The following TDRD9 variants were observed in gnomAD, a reference collection of about 807,000 sequenced individuals.
TDRD9 encodes the protein ATP-dependent RNA helicase TDRD9.
TDRD9 carries 124 observed loss-of-function variants against 172.6 expected under a neutral mutation model. The observed-to-expected ratio is 0.72, with a 90% confidence interval of 0.62 to 0.83. TDRD9 has a LOEUF of 0.83. Ranked by LOEUF, TDRD9 falls within the 40% of genes least tolerant of loss-of-function variation. TDRD9 has a pLI of 0.00. For synonymous variants in TDRD9, 619 were observed against 617.1 expected (o/e 1.00, Z -0.05); for missense variants, 1,479 against 1,714.1 (o/e 0.86, Z 2.42).
chr14:104,050,182 C>T (rs2035899897), intron 35 of TDRD9, among the ~76,000 whole-genome samples: 1 of 152,148 alleles, frequency 6.6e-6, no homozygotes, highest in Admixed American at 6.5e-5. Context: ...GTGAGGACCT[C>T]TGAGGGACAT....
At chr14:103,938,072 C>T (rs1321956665) in intron 1 of TDRD9, among the ~76,000 whole-genome samples, 1 of 151,936 alleles carries the variant, frequency 6.6e-6, no homozygotes, top group Non-Finnish European at 1.5e-5. Context: ...GCAGTTTGCT[C>T]ATCTGTCATA....
chr14:104,033,288 G>A (rs2035342334), intron 30 of TDRD9, among the ~76,000 whole-genome samples: 1 of 152,206 alleles, frequency 6.6e-6, no homozygotes, highest in Admixed American at 6.5e-5. Flanking sequence ...CGATCTGCCT[G>A]TGCTTACAGT....
In TDRD9 at chr14:104,030,444, T is replaced by C. The variant is rs557487154; in HGVS notation, c.3283-664T>C. Among the ~76,000 whole-genome samples the C allele has an allele frequency of 4.6e-5, 7 of 152,270 alleles. No homozygotes were observed. In the South Asian group the frequency reaches 1.2e-3, roughly 27 times the overall value. Reference sequence around the variant, plus strand: ...AGGTGGAGGTTGTAGTGAGCTGAGATTGCGCCATTGCACTCCAGCCTGGGC... The same window carrying C: ...AGGTGGAGGTTGTAGTGAGCTGAGACTGCGCCATTGCACTCCAGCCTGGGC... On this transcript the variant is annotated intron_variant, in intron 28 of 35. Coordinates refer to ENST00000409874, the MANE Select transcript of TDRD9 (RefSeq NM_153046.3).
intron 1 of TDRD9, among the ~76,000 whole-genome samples, chr14:103,953,589 GAGA>G (rs2032053253): frequency 6.7e-6 from 1 of 150,274 alleles, no homozygotes; most frequent in East Asian, 1.9e-4. Flanking sequence ...CTGCAAGCTG[GAGA>G]AGAAGGAAAG....
chr14:104,042,972 G>A (rs1195257585), intron 34 of TDRD9, among the ~76,000 whole-genome samples: 1 of 151,960 alleles, frequency 6.6e-6, no homozygotes, highest in African/African-American at 2.4e-5. Context: ...TGGTGAGAAA[G>A]GCCAGTTTTA....
chr14:104,007,293 T>G, intron 19 of TDRD9, 89 bp downstream of exon 19: 1 of 1,281,042 alleles, frequency 7.8e-7, no homozygotes. Flanking sequence ...GTGTGAATCA[T>G]GACGGTGCCA....
At chr14:104,012,758 GA>G (rs1230837065) in intron 20 of TDRD9, among the ~76,000 whole-genome samples, 1 of 151,870 alleles carries the variant, frequency 6.6e-6, no homozygotes, top group Non-Finnish European at 1.5e-5. Context: ...ATTTTTTAGA[GA>G]CAGGGTCTTT....
At chr14:103,936,767 G>C (rs2030792655) in intron 1 of TDRD9, among the ~76,000 whole-genome samples, 1 of 152,160 alleles carries the variant, frequency 6.6e-6, no homozygotes, top group Non-Finnish European at 1.5e-5. Flanking sequence ...CTAGAAGAAT[G>C]CCTGGCATGA....
At chr14:103,950,011 GCC>G (rs1566732755) in intron 1 of TDRD9, among the ~76,000 whole-genome samples, 2 of 145,886 alleles carry the variant, frequency 1.4e-5, no homozygotes, top group Non-Finnish European at 3.0e-5. Flanking sequence ...GCCCTGCCCT[GCC>G]CTGCCCTGCC....
chr14:104,039,769 A>T (rs1166819852), intron 32 of TDRD9, among the ~76,000 whole-genome samples: 4 of 152,218 alleles, frequency 2.6e-5, no homozygotes, highest in Non-Finnish European at 5.9e-5. Flanking sequence ...AGAAGGTGGA[A>T]CATTTTTTTA....
chr14:104,034,006 G>A lies in TDRD9; in HGVS notation c.3556G>A (p.Asp1186Asn). ...GAGCATCAACTCTGTCATTATCAGT[G>A]ACGCCCCTGAAGACCTTCACCAGAG... The part of the protein sequence containing the change: ...KESINSVIIS[D>N]APEDLHQRML... The change falls in exon 31 of 36, where the codon GAC becomes AAC. Residue 1186 changes from aspartate to asparagine, a missense_variant. Asp to Asn is a conservative substitution (Grantham distance 23). Transcript: ENST00000409874. The A allele has an allele frequency of 6.4e-7, 1 of 1,551,726 alleles. No individual in the cohort carries two copies. The highest frequency in any genetic ancestry group is 8.7e-7 in the Non-Finnish European group (1 of 1,146,844).
chr14:104,031,359 T>C, intron 29 of TDRD9, 96 bp downstream of exon 29: 2 of 1,081,490 alleles, frequency 1.8e-6, no homozygotes, highest in Non-Finnish European at 2.6e-6. Context: ...TGGTTTTTTC[T>C]TTTCTGGCTT....
intron 28 of TDRD9, among the ~76,000 whole-genome samples, chr14:104,027,907 C>T (rs527782359): frequency 1.3e-5 from 2 of 152,116 alleles, no homozygotes; most frequent in Non-Finnish European, 2.9e-5. Flanking sequence ...TCCATTATTT[C>T]AATTTTTTTT....
At position 104,034,251 on chromosome 14, in the gene TDRD9, C is replaced by T. The variant is rs541329164; in HGVS notation, c.3619+182C>T. ...TGTCGCCCAGGCTAGAGTGCAGTGG[C>T]GCGATCTCGGCTCACTGCAAGCTCC... On this transcript the variant is annotated intron_variant, in intron 31 of 35. Transcript: ENST00000409874. Among the ~76,000 whole-genome samples, 7 of 137,112 alleles carry T rather than the reference C, an allele frequency of 5.1e-5. No homozygotes were observed. The South Asian group carries it at 1.1e-3, about 22-fold the overall frequency. 90.0% of individuals were successfully genotyped at this position (137,112 alleles called of 152,430 possible).
intron 32 of TDRD9, among the ~76,000 whole-genome samples, chr14:104,037,281 G>A (rs1209273251): frequency 3.3e-5 from 5 of 152,166 alleles, no homozygotes; most frequent in African/African-American, 4.8e-5. Flanking sequence ...CCCGCCATGC[G>A]CCCATGCCCG....
chr14:104,021,650 A>T lies in TDRD9; in HGVS notation c.2433-507A>T, dbSNP rs184704756. ...GGAGGTTGCAGTGAGCCAAGATGAC[A>T]TCCCTGCACTGGCGACAGAGCGAGA... is the stretch of plus-strand genomic sequence containing the variant. On this transcript the variant is annotated intron_variant, in intron 23 of 35. Transcript: ENST00000409874. Among the ~76,000 whole-genome samples the T allele has an allele frequency of 3.3e-5, 5 of 152,264 alleles. No homozygotes were observed. The East Asian group carries it at 9.7e-4, about 29-fold the overall frequency.
Position 103,997,003 on chromosome 14 carries a change from G to C in TDRD9, c.1378+1196G>C, listed in dbSNP as rs1045282446. Among the ~76,000 whole-genome samples, 11 of 152,322 alleles carry C rather than the reference G, an allele frequency of 7.2e-5. No individual in the cohort carries two copies. The highest frequency in any genetic ancestry group is 2.2e-4 in the African/African-American group (9 of 41,588). Reference sequence around the variant, plus strand: ...ACCATCAAGCAAGGAGGCCAGGGCAGCTGGACCAGTGTGAACGAAGGGGAA... The same window carrying C: ...ACCATCAAGCAAGGAGGCCAGGGCACCTGGACCAGTGTGAACGAAGGGGAA... On this transcript the variant is annotated intron_variant, in intron 12 of 35. Transcript: ENST00000409874. The surrounding 1 kb of genome is among the most constrained non-coding windows in gnomAD (Gnocchi z 5.1).
chr14:103,995,663 A>T, intron 11 of TDRD9, 87 bp from the exon 12 acceptor site: 2 of 1,212,836 alleles, frequency 1.6e-6, no homozygotes, highest in Non-Finnish European at 2.3e-6. Flanking sequence ...CAGAAGCTTT[A>T]AAATAATTTT....
At chr14:104,046,550 G>T (rs74457519) in intron 34 of TDRD9, among the ~76,000 whole-genome samples, 8,440 of 152,158 alleles carry the variant, frequency 0.055, 637 homozygotes, top group African/African-American at 0.17. Flanking sequence ...ATTTATTACT[G>T]GGTTTTCTGT....
Sources: allele counts gnomAD v4.1 joint callset (sites outside exome capture counted in the v4.1 genomes callset), GRCh38; gene constraint gnomAD v4.1.1; non-coding constraint Gnocchi (gnomAD v3.1); transcripts MANE v1.5; gene names NCBI Gene and HGNC (gene_info 2026-07-23, HGNC 2026-07-21).